Variants in CNOT1 observed in about 807,000 individuals in gnomAD.
CNOT1 encodes CCR4-associated factor 1.
A neutral mutation model predicts 273.8 loss-of-function variants in CNOT1; 15 were observed. That is an observed-to-expected ratio of 0.05 (90% confidence interval 0.04 to 0.08). The LOEUF (loss-of-function observed/expected upper bound fraction) is 0.08, where lower values mean the gene tolerates loss of function less well. Among genes scored for constraint, CNOT1 ranks in the 10% least tolerant of loss-of-function variants. CNOT1 has a pLI of 1.00. For synonymous variants in CNOT1, 1,022 were observed against 1,005.5 expected (o/e 1.02, Z -0.31); for missense variants, 1,644 against 2,912.2 (o/e 0.56, Z 10.02).
chr16:58,580,153 T>A (rs1198428564), intron 12 of CNOT1, among the ~76,000 whole-genome samples: 1 of 152,066 alleles, frequency 6.6e-6, no homozygotes, highest in Non-Finnish European at 1.5e-5. Context: ...GAGGTTGCAG[T>A]GAGCTGAGAT....
intron 12 of CNOT1, among the ~76,000 whole-genome samples, chr16:58,579,635 T>C (rs2041585581): frequency 6.6e-6 from 1 of 152,066 alleles, no homozygotes; most frequent in East Asian, 1.9e-4. Context: ...ATTTGATCAA[T>C]AACAGAAATG....
intron 16 of CNOT1, among the ~76,000 whole-genome samples, chr16:58,567,203 G>T (rs151104797): frequency 6.6e-6 from 1 of 152,252 alleles, no homozygotes; most frequent in African/African-American, 2.4e-5. Flanking sequence ...AGCATAGGTG[G>T]CTTATGCCTA....
At chr16:58,569,043 T>C (rs2041167518) in intron 16 of CNOT1, among the ~76,000 whole-genome samples, 1 of 152,208 alleles carries the variant, frequency 6.6e-6, no homozygotes, top group Non-Finnish European at 1.5e-5. Context: ...GAAAGCTATG[T>C]AGAAATGATC....
intron 12 of CNOT1, 79 bp downstream of exon 12, chr16:58,580,554 G>GTAC: frequency 6.5e-7 from 1 of 1,530,248 alleles, no homozygotes; most frequent in Non-Finnish European, 8.8e-7. Context: ...TGTTAACTAT[G>GTAC]TACTTGGCTT....
intron 25 of CNOT1, among the ~76,000 whole-genome samples, chr16:58,549,329 GCATTAT>G (rs1215465725): frequency 3.5e-5 from 5 of 143,528 alleles, no homozygotes; most frequent in Non-Finnish European, 7.6e-5. Context: ...ACAGCAAAGA[GCATTAT>G]CATTATCATG....
intron 12 of CNOT1, among the ~76,000 whole-genome samples, chr16:58,580,133 C>G (rs769899256): frequency 6.6e-6 from 1 of 151,970 alleles, no homozygotes; most frequent in Non-Finnish European, 1.5e-5. Context: ...TCGCTTAAAC[C>G]GGGGAGGCGG....
chr16:58,622,337 G>C (rs1324071129), intron 1 of CNOT1, among the ~76,000 whole-genome samples: 1 of 12,198 alleles, frequency 8.2e-5, no homozygotes, highest in Non-Finnish European at 2.6e-4. Flanking sequence ...CTCTAGTGGG[G>C]GGGGGGGGGG....
At chr16:58,551,843 A>G in intron 22 of CNOT1, 24 bp from the exon 23 acceptor site, 1 of 1,611,230 alleles carries the variant, frequency 6.2e-7, no homozygotes, top group East Asian at 2.2e-5. Context: ...GAGAGGAAAA[A>G]GAGTTAACCT....
intron 1 of CNOT1, among the ~76,000 whole-genome samples, chr16:58,619,873 CTAAT>C (rs2043244592): frequency 6.6e-6 from 1 of 152,082 alleles, no homozygotes; most frequent in African/African-American, 2.4e-5. Flanking sequence ...AAAGATCTCC[CTAAT>C]TAATTCAAGA....
chr16:58,599,633 G>A (rs182953252), intron 1 of CNOT1, 122 bp from the exon 2 acceptor site: 1 of 457,398 alleles, frequency 2.2e-6, no homozygotes, highest in East Asian at 3.0e-5. Flanking sequence ...TTAATAATTA[G>A]AAGAGAATAG....
intron 2 of CNOT1, among the ~76,000 whole-genome samples, chr16:58,590,885 C>T (rs1287818392): frequency 6.6e-6 from 1 of 152,234 alleles, no homozygotes; most frequent in Non-Finnish European, 1.5e-5. Context: ...ATGCTACGTA[C>T]TAGTCTAGGT....
At chr16:58,600,431 C>T (rs894140485) in intron 1 of CNOT1, among the ~76,000 whole-genome samples, 2 of 152,136 alleles carry the variant, frequency 1.3e-5, no homozygotes, top group Non-Finnish European at 2.9e-5. Flanking sequence ...TTCTACTATA[C>T]CCTTTGGAAG....
intron 6 of CNOT1, 39 bp from the exon 7 acceptor site, chr16:58,586,787 G>T: frequency 6.2e-7 from 1 of 1,600,938 alleles, no homozygotes; most frequent in Non-Finnish European, 8.5e-7. Flanking sequence ...AGTTACTTTT[G>T]CACCACAATG....
chr16:58,569,015 G>A (rs1211166875), intron 16 of CNOT1, among the ~76,000 whole-genome samples: 1 of 152,218 alleles, frequency 6.6e-6, no homozygotes, highest in Non-Finnish European at 1.5e-5. Context: ...ACAAAAGGGT[G>A]TCCCATGCAA....
intron 1 of CNOT1, among the ~76,000 whole-genome samples, chr16:58,607,752 AAAAGG>A (rs59253563): frequency 0.18 from 25,380 of 142,904 alleles, 2,518 homozygotes; most frequent in East Asian, 0.28. Flanking sequence ...AGAAAGAAAG[AAAAGG>A]GCTATCTAAA....
intron 31 of CNOT1, chr16:58,543,057 T>A: frequency 8.6e-7 from 1 of 1,165,430 alleles, no homozygotes; most frequent in Non-Finnish European, 1.1e-6. Flanking sequence ...TGCACCACTG[T>A]ACTCTAGCCT....
chr16:58,602,595 C>G (rs2042514706), intron 1 of CNOT1, among the ~76,000 whole-genome samples: 1 of 136,814 alleles, frequency 7.3e-6, no homozygotes, highest in Non-Finnish European at 1.5e-5. Context: ...ATAAATTAGC[C>G]AGGTGTAAAT....
chr16:58,581,656 CTTTTT>C lies in CNOT1; in HGVS notation c.1045-146_1045-142del, dbSNP rs978172122. ...TAATGTGAATTTTAAGAAACCCATT[CTTTTT>C]TTTTCTTTTTTTTTTTTTAAGACAG... is the stretch of plus-strand genomic sequence containing the variant. On this transcript the variant is annotated intron_variant, in intron 10 of 48. Transcript: ENST00000317147. The C allele has an allele frequency of 3.9e-6, 5 of 1,276,292 alleles. No individual in the cohort carries two copies. In the African/African-American group the frequency reaches 6.1e-5, roughly 16 times the overall value. The allele number at this position is 1,276,292 out of a possible 1,614,324, so 79.1% of individuals were successfully genotyped here.
At chr16:58,628,613 A>AAC (rs1210934968) in intron 1 of CNOT1, among the ~76,000 whole-genome samples, 1 of 150,930 alleles carries the variant, frequency 6.6e-6, no homozygotes, top group East Asian at 1.9e-4. Context: ...AAAAAAAAAA[A>AAC]ACCCAAGTAG....
Sources: gnomAD v4.1 joint callset for allele counts (sites outside exome capture counted in the v4.1 genomes callset) on GRCh38, gnomAD v4.1.1 for gene constraint, MANE v1.5 for transcripts, NCBI Gene and HGNC (gene_info 2026-07-23, HGNC 2026-07-21) for gene names.